Variants in RIPOR2 observed in about 807,000 individuals in gnomAD.
RIPOR2 encodes the protein rho family-interacting cell polarization regulator 2.
RIPOR2 carries 39 observed loss-of-function variants against 114.5 expected under a neutral mutation model. The observed-to-expected ratio is 0.34, with a 90% CI of 0.26 to 0.44. The LOEUF is 0.44. RIPOR2 is among the 20% of genes least tolerant of loss of function. The probability of loss-of-function intolerance (pLI) is 1.00; values close to 1 mark genes in which losing one functional copy is unlikely to be tolerated. For missense variants in RIPOR2, 1,007 were observed against 1,255.1 expected, an observed-to-expected ratio of 0.80 and a Z score of 2.99; for synonymous variants, 445 against 484.4, an observed-to-expected ratio of 0.92 and a Z score of 1.07.
chr6:24,856,325 T>A (rs1763469544), intron 8 of RIPOR2, among the ~76,000 whole-genome samples: 1 of 152,224 alleles, frequency 6.6e-6, no homozygotes, highest in Non-Finnish European at 1.5e-5. Context: ...GAAGCCTGCA[T>A]TCTACTAATA....
intron 20 of RIPOR2, among the ~76,000 whole-genome samples, chr6:24,811,248 T>G (rs1189837308): frequency 1.4e-4 from 8 of 58,582 alleles, no homozygotes; most frequent in Admixed American, 5.5e-4. Context: ...TTTTTTTTTT[T>G]TTTTTTTGAG....
At chr6:24,836,202 G>A (rs534333813) in intron 14 of RIPOR2, among the ~76,000 whole-genome samples, 2 of 152,184 alleles carry the variant, frequency 1.3e-5, no homozygotes, top group Non-Finnish European at 2.9e-5. Flanking sequence ...TGTTGACAGG[G>A]TGATCTGCCA....
chr6:24,850,085 ATTTTTC>A, intron 10 of RIPOR2, 135 bp from the exon 11 acceptor site: 2 of 616,588 alleles, frequency 3.2e-6, no homozygotes, highest in Non-Finnish European at 5.1e-6. Context: ...GCGGATTTTC[ATTTTTC>A]TTTTTCTTTT....
At chr6:24,969,958 C>T (rs1170503842) in intron 1 of RIPOR2, among the ~76,000 whole-genome samples, 1 of 152,066 alleles carries the variant, frequency 6.6e-6, no homozygotes, top group Admixed American at 6.6e-5. Flanking sequence ...CTGTGCTGCA[C>T]ATGGTAGCTG....
chr6:24,829,434 C>T (rs943767331), intron 17 of RIPOR2, among the ~76,000 whole-genome samples: 1 of 152,022 alleles, frequency 6.6e-6, no homozygotes, highest in Non-Finnish European at 1.5e-5. Context: ...TCAAGACCAG[C>T]CTGGGCAAGA....
At chr6:24,909,331 T>C (rs1405271520) in intron 1 of RIPOR2, among the ~76,000 whole-genome samples, 1 of 152,138 alleles carries the variant, frequency 6.6e-6, no homozygotes, top group Non-Finnish European at 1.5e-5. Context: ...AGAATAGCCA[T>C]GATGGTGCTG....
intron 1 of RIPOR2, among the ~76,000 whole-genome samples, chr6:24,912,226 G>A (rs1769681577): frequency 6.6e-6 from 1 of 152,156 alleles, no homozygotes; most frequent in South Asian, 2.1e-4. Flanking sequence ...GATATAAGCT[G>A]TCCCCAGCAC....
At chr6:24,989,893 G>T (rs1561829787) in intron 1 of RIPOR2, among the ~76,000 whole-genome samples, 1 of 151,978 alleles carries the variant, frequency 6.6e-6, no homozygotes, top group Non-Finnish European at 1.5e-5. Flanking sequence ...AGCCAGGCGT[G>T]GTGGTGGGCG....
At chr6:24,808,688 A>T (rs1459941838) in intron 21 of RIPOR2, among the ~76,000 whole-genome samples, 2 of 151,944 alleles carry the variant, frequency 1.3e-5, no homozygotes, top group African/African-American at 4.8e-5. Context: ...GAGGATTTCT[A>T]GGAGCATAGT....
chr6:24,956,419 A>AAAAACTT (rs1371204667), intron 1 of RIPOR2, among the ~76,000 whole-genome samples: 4 of 152,202 alleles, frequency 2.6e-5, no homozygotes, highest in African/African-American at 9.7e-5. Context: ...TAAAAGGGAG[A>AAAAACTT]AAAACTTAAA....
At chr6:25,019,798 A>T (rs35640521) in intron 1 of RIPOR2, among the ~76,000 whole-genome samples, 1 of 138,432 alleles carries the variant, frequency 7.2e-6, no homozygotes, top group Non-Finnish European at 1.6e-5. Context: ...AAAAAAAAAA[A>T]GAAAAGAAAG....
At chr6:24,828,390 G>C (rs1432623760) in intron 17 of RIPOR2, 95 bp from the exon 18 acceptor site, 8 of 1,153,178 alleles carry the variant, frequency 6.9e-6, no homozygotes, top group Non-Finnish European at 8.0e-6. Flanking sequence ...TTATTTTAGA[G>C]ACAGGGTCTC....
At position 24,988,258 on chromosome 6, in the gene RIPOR2, C is replaced by T. The variant is rs557586497; in HGVS notation, c.76+53593G>A. On this transcript the variant is annotated intron_variant, in intron 1 of 13. Transcript: ENST00000510784. The stretch of plus-strand genomic sequence containing the variant: ...AGGCTGGAGTGCAGTGGCACAATCT[C>T]GACTGCAACCTCCGCCTCCCAGATT... Among the ~76,000 whole-genome samples the T allele has an allele frequency of 1.1e-4, 17 of 152,234 alleles. No homozygotes were observed. In the East Asian group the frequency reaches 1.7e-3, roughly 16 times the overall value.
rs1273638527 is a variant in RIPOR2, at chr6:24,935,876, T to A, written c.23A>T (p.Glu8Val). 6.5e-7 allele frequency: 1 copy of A among 1,535,422 alleles called. No homozygotes were observed. The highest frequency in any genetic ancestry group is 2.4e-5 in the East Asian group (1 of 40,914). The stretch of plus-strand genomic sequence containing the variant: ...ATCATCCTCTTCATCGACCAGGAGC[T>A]CCTCAGCATCAAAAAACTGCATCTT... MQFFDAE[E>V]LLVDEEDDVF... is the part of the protein sequence containing the mutation. The change falls in exon 1 of 22, where the codon GAG becomes GTG. Residue 8 changes from glutamate (E) to valine (V), a missense_variant. Glu to Val is a moderately radical substitution (Grantham distance 121). Coordinates refer to ENST00000643898, the MANE Select transcript of RIPOR2 (RefSeq NM_001286445.3).
chr6:24,983,353 T>G (rs1774383560), intron 1 of RIPOR2, among the ~76,000 whole-genome samples: 2 of 152,154 alleles, frequency 1.3e-5, no homozygotes, highest in African/African-American at 4.8e-5. Context: ...GTAATATATG[T>G]GTATACACAA....
chr6:24,818,094 G>T (rs1343837809), intron 20 of RIPOR2, among the ~76,000 whole-genome samples: 1 of 151,268 alleles, frequency 6.6e-6, no homozygotes, highest in African/African-American at 2.4e-5. Flanking sequence ...CTCCTGAGTA[G>T]CTGGGATTAC....
At chr6:24,923,390 G>A (rs1770643725) in intron 1 of RIPOR2, among the ~76,000 whole-genome samples, 1 of 152,194 alleles carries the variant, frequency 6.6e-6, no homozygotes, top group Non-Finnish European at 1.5e-5. Context: ...ATACCCAGAA[G>A]TGGAATTGTT....
chr6:25,004,360 C>T (rs993005521), intron 1 of RIPOR2, among the ~76,000 whole-genome samples: 4 of 152,210 alleles, frequency 2.6e-5, no homozygotes, highest in African/African-American at 9.6e-5. Flanking sequence ...AAAAAAGTCT[C>T]TGTATACCTC....
chr6:24,967,796 TAAGAA>T (rs1554125886), intron 1 of RIPOR2, among the ~76,000 whole-genome samples: 1 of 152,060 alleles, frequency 6.6e-6, no homozygotes, highest in Non-Finnish European at 1.5e-5. Flanking sequence ...AACTGAGGTG[TAAGAA>T]AAGTTATATG....
Sources: allele counts gnomAD v4.1 joint callset (sites outside exome capture counted in the v4.1 genomes callset), GRCh38; gene constraint gnomAD v4.1.1; transcripts MANE v1.5; gene names NCBI Gene and HGNC (gene_info 2026-07-23, HGNC 2026-07-21).